DCC: variants seen among roughly 807,000 people sequenced by gnomAD.
DCC encodes the protein DCC netrin 1 receptor.
A neutral mutation model predicts 172.5 loss-of-function variants in DCC; 58 were observed. The observed-to-expected ratio is 0.34, with a 90% CI of 0.27 to 0.42. The LOEUF is 0.42. Among genes scored for constraint, DCC ranks in the 10% least tolerant of loss-of-function variants. The pLI is 1.00. For synonymous variants in DCC, 709 were observed against 644.5 expected (o/e 1.10, Z -1.52); for missense variants, 1,740 against 1,791.0 (o/e 0.97, Z 0.51).
chr18:52,551,757 C>CAT (rs374293218), intron 1 of DCC, among the ~76,000 whole-genome samples: 11,269 of 139,588 alleles, frequency 0.081, 2,614 homozygotes, highest in African/African-American at 0.2. Context: ...CACACACACA[C>CAT]ACACACACAC....
intron 1 of DCC, among the ~76,000 whole-genome samples, chr18:52,727,158 CA>C (rs1169688525): frequency 2.6e-5 from 4 of 152,092 alleles, no homozygotes; most frequent in African/African-American, 9.7e-5. Context: ...AATGGAAATC[CA>C]AAGTGATTGG....
chr18:52,431,699 G>A (rs1166121870), intron 1 of DCC, among the ~76,000 whole-genome samples: 1 of 152,142 alleles, frequency 6.6e-6, no homozygotes, highest in African/African-American at 2.4e-5. Context: ...GCTCCACTCA[G>A]CCTGGCCATG....
At chr18:52,663,528 T>C (rs574729213) in intron 1 of DCC, among the ~76,000 whole-genome samples, 1 of 152,134 alleles carries the variant, frequency 6.6e-6, no homozygotes, top group African/African-American at 2.4e-5. Context: ...GTAATAATTA[T>C]TGATAAATAA....
chr18:52,964,184 C>T (rs1365441144), intron 5 of DCC, among the ~76,000 whole-genome samples: 1 of 152,056 alleles, frequency 6.6e-6, no homozygotes, highest in Non-Finnish European at 1.5e-5. Context: ...CCTAAGGAGA[C>T]TTGGAAAGAA....
rs577724132 is a variant in DCC, at chr18:53,326,929, T to C, written c.2164+4772T>C. Among the ~76,000 whole-genome samples the C allele has an allele frequency of 4.6e-5, 7 of 152,334 alleles. No individual in the cohort carries two copies. The South Asian group carries it at 1.5e-3, about 32-fold the overall frequency. On this transcript the variant is annotated intron_variant, in intron 14 of 28. Transcript: ENST00000442544. ...ATTAGGCCTCTCTGGATGCATTATG[T>C]TGTATAACTTACCCCCCTGCTTCAG...
intron 1 of DCC, among the ~76,000 whole-genome samples, chr18:52,578,372 G>C (rs1399297585): frequency 1.3e-5 from 2 of 152,184 alleles, no homozygotes; most frequent in Non-Finnish European, 2.9e-5. Flanking sequence ...ACTGAGCAGA[G>C]GGAGTCAAAC....
chr18:52,446,811 A>AT (rs1988139049), intron 1 of DCC, among the ~76,000 whole-genome samples: 2 of 152,192 alleles, frequency 1.3e-5, no homozygotes, highest in Non-Finnish European at 1.5e-5. Flanking sequence ...GGGACTCCTG[A>AT]TCCCCTTAGT....
At chr18:53,296,910 G>A (rs1439751885) in intron 12 of DCC, among the ~76,000 whole-genome samples, 1 of 152,100 alleles carries the variant, frequency 6.6e-6, no homozygotes, top group African/African-American at 2.4e-5. Flanking sequence ...GCTTTCTATG[G>A]GAATTCCATC....
chr18:52,913,812 CT>C (rs1379436571), intron 3 of DCC, among the ~76,000 whole-genome samples: 2 of 151,992 alleles, frequency 1.3e-5, no homozygotes, highest in Non-Finnish European at 2.9e-5. Context: ...ACAAGAAAAC[CT>C]CCCTGAGGGT....
intron 5 of DCC, among the ~76,000 whole-genome samples, chr18:52,971,231 C>T (rs1024932761): frequency 2.0e-5 from 3 of 152,116 alleles, no homozygotes; most frequent in African/African-American, 7.2e-5. Flanking sequence ...CAGGAGCTTT[C>T]AAATTCTGAT....
At chr18:52,805,240 A>C (rs1423170157) in intron 2 of DCC, among the ~76,000 whole-genome samples, 1 of 152,184 alleles carries the variant, frequency 6.6e-6, no homozygotes, top group Admixed American at 6.5e-5. Context: ...GAATAGTTTC[A>C]GGATAAAGAA....
intron 12 of DCC, among the ~76,000 whole-genome samples, chr18:53,291,826 T>C (rs941036807): frequency 7.9e-5 from 12 of 152,226 alleles, no homozygotes; most frequent in Non-Finnish European, 1.5e-4. Flanking sequence ...CTATTGATAC[T>C]GACAAATTCC....
intron 23 of DCC, among the ~76,000 whole-genome samples, chr18:53,452,970 C>T (rs1225215938): frequency 1.3e-5 from 2 of 152,004 alleles, no homozygotes; most frequent in Non-Finnish European, 2.9e-5. Flanking sequence ...GGCTGGAGTG[C>T]AGTGGTGCAA....
chr18:53,062,855 C>T (rs1180453635), intron 5 of DCC, among the ~76,000 whole-genome samples: 1 of 152,134 alleles, frequency 6.6e-6, no homozygotes, highest in Admixed American at 6.6e-5. Context: ...GAGTCCATCA[C>T]ATTAATCCTA....
intron 2 of DCC, among the ~76,000 whole-genome samples, chr18:52,895,626 G>T (rs1408945733): frequency 1.3e-5 from 2 of 152,150 alleles, no homozygotes; most frequent in Non-Finnish European, 2.9e-5. Flanking sequence ...ATAATGTTAT[G>T]TACAGTGGAT....
chr18:53,102,815 A>C (rs1244104204), intron 7 of DCC, among the ~76,000 whole-genome samples: 2 of 151,504 alleles, frequency 1.3e-5, no homozygotes, highest in Non-Finnish European at 2.9e-5. Flanking sequence ...AGAGCACATC[A>C]CCCAAAGGCT....
At chr18:52,749,009 C>A (rs1213129349) in intron 1 of DCC, among the ~76,000 whole-genome samples, 1 of 152,048 alleles carries the variant, frequency 6.6e-6, no homozygotes, top group Admixed American at 6.5e-5. Context: ...CCAGCCTGGC[C>A]AAATATGGCC....
intron 1 of DCC, among the ~76,000 whole-genome samples, chr18:52,552,573 A>G (rs992143882): frequency 2.6e-5 from 4 of 152,070 alleles, no homozygotes; most frequent in Admixed American, 6.6e-5. Context: ...ATTTTTAAAA[A>G]TTTGGGGACA....
intron 5 of DCC, among the ~76,000 whole-genome samples, chr18:52,941,626 TAAAG>T (rs551848502): frequency 9.1e-4 from 138 of 152,184 alleles, no homozygotes; most frequent in African/African-American, 3.1e-3. Context: ...ATTTTGTCAT[TAAAG>T]AAACATGTAA....
Sources: gnomAD v4.1 joint callset for allele counts (sites outside exome capture counted in the v4.1 genomes callset) on GRCh38, gnomAD v4.1.1 for gene constraint, MANE v1.5 for transcripts, NCBI Gene and HGNC (gene_info 2026-07-23, HGNC 2026-07-21) for gene names.